DMD: variants seen among roughly 807,000 people sequenced by gnomAD.
DMD encodes dystrophin.
Under a neutral mutation model 330.1 loss-of-function variants are expected in DMD, and 63 were observed. The observed-to-expected ratio is 0.19, with a 90% CI of 0.16 to 0.24. DMD has a LOEUF of 0.24. Ranked by LOEUF, DMD falls within the 10% of genes least tolerant of loss-of-function variation. The pLI is 1.00. For synonymous variants in DMD, 1,223 were observed against 959.8 expected, an observed-to-expected ratio of 1.27 and a Z score of -5.07; for missense variants, 3,344 against 2,684.1, an observed-to-expected ratio of 1.25 and a Z score of -5.43.
chrX:32,336,155 CTG>C (rs199730386), intron 41 of DMD, among the ~76,000 whole-genome samples: 76 of 108,800 alleles, frequency 7.0e-4, no homozygotes, highest in Non-Finnish European at 9.9e-4. Context: ...AACATGTTAT[CTG>C]TGTGTGTATA....
At chrX:31,272,934 A>C (rs2051777159) in intron 62 of DMD, among the ~76,000 whole-genome samples, 1 of 112,310 alleles carries the variant, frequency 8.9e-6, no homozygotes, top group Non-Finnish European at 1.9e-5. Flanking sequence ...AATATTATCT[A>C]ACAAAAGATT....
chrX:32,730,457 G>C (rs368601958), intron 7 of DMD, among the ~76,000 whole-genome samples: 2 of 112,324 alleles, frequency 1.8e-5, no homozygotes, highest in Non-Finnish European at 3.8e-5. Context: ...AAAACAATTT[G>C]AATGTTTATG....
At chrX:31,473,284 C>T (rs943033157) in intron 59 of DMD, among the ~76,000 whole-genome samples, 27 of 107,646 alleles carry the variant, frequency 2.5e-4, no homozygotes, top group Admixed American at 4.0e-4. Flanking sequence ...CAGAGAATTG[C>T]TTGAACCCAG....
At chrX:32,189,052 C>T (rs1368104150) in intron 44 of DMD, among the ~76,000 whole-genome samples, 1 of 110,546 alleles carries the variant, frequency 9.0e-6, no homozygotes, top group Non-Finnish European at 1.9e-5. Context: ...CATTTATAGT[C>T]ATTAATATGA....
At chrX:31,502,951 A>G (rs2070553805) in intron 56 of DMD, among the ~76,000 whole-genome samples, 1 of 111,835 alleles carries the variant, frequency 8.9e-6, no homozygotes, top group African/African-American at 3.2e-5. Context: ...TTAAGTAAAT[A>G]ATTTTCTCTT....
chrX:31,363,373 T>A (rs12844157), intron 60 of DMD, among the ~76,000 whole-genome samples: 1 of 29,166 alleles, frequency 3.4e-5, no homozygotes, highest in Non-Finnish European at 7.2e-5. Context: ...GACATGTATC[T>A]TTTTTTTTTT....
intron 42 of DMD, among the ~76,000 whole-genome samples, chrX:32,302,978 T>C (rs1246275319): frequency 9.0e-6 from 1 of 111,445 alleles, no homozygotes; most frequent in Non-Finnish European, 1.9e-5. Flanking sequence ...CTAAACTCTC[T>C]ACTCTACTGC....
intron 44 of DMD, among the ~76,000 whole-genome samples, chrX:32,167,043 T>C (rs1265257950): frequency 8.9e-6 from 1 of 111,750 alleles, no homozygotes; most frequent in Non-Finnish European, 1.9e-5. Context: ...AGACAGCTGC[T>C]TAATGATCTG....
intron 30 of DMD, among the ~76,000 whole-genome samples, chrX:32,405,445 A>T (rs1420936215): frequency 9.0e-6 from 1 of 111,243 alleles, no homozygotes; most frequent in Non-Finnish European, 1.9e-5. Flanking sequence ...TACTTTGGAA[A>T]TAATCCTAGT....
chrX:32,102,544 TTATATC>T (rs1228986980), intron 44 of DMD, among the ~76,000 whole-genome samples: 96 of 111,299 alleles, frequency 8.6e-4, no homozygotes, highest in African/African-American at 1.5e-3. Context: ...AATAAAAATA[TTATATC>T]TATAATATTT....
chrX:31,535,773 C>T (rs1242290337), intron 55 of DMD, among the ~76,000 whole-genome samples: 1 of 111,923 alleles, frequency 8.9e-6, no homozygotes, highest in Non-Finnish European at 1.9e-5. Context: ...ATTGTCCCTT[C>T]ATTCATTCTA....
chrX:32,697,549 A>G (rs1210103878), intron 9 of DMD, among the ~76,000 whole-genome samples: 1 of 112,118 alleles, frequency 8.9e-6, no homozygotes, highest in Admixed American at 9.5e-5. Context: ...TCGAAGTTAC[A>G]TATATAAAAC....
Position 31,484,802 on chromosome X carries a change from CA to C in DMD, c.8548-5700del, listed in dbSNP as rs1209957471. Among the ~76,000 whole-genome samples the C allele has an allele frequency of 3.6e-3, 399 of 111,798 alleles. 5 individuals carry two copies. The highest frequency in any genetic ancestry group is 8.6e-3 in the African/African-American group (266 of 30,828). ...TTGTTGACTCACTAATTTGTTCATT[CA>C]AAAAATATTTATTTTGAACCTATTA... On this transcript the variant is annotated intron_variant, in intron 57 of 78. Transcript: ENST00000357033.
At chrX:31,682,058 G>A (rs1408502424) in intron 52 of DMD, among the ~76,000 whole-genome samples, 1 of 112,261 alleles carries the variant, frequency 8.9e-6, no homozygotes, top group Non-Finnish European at 1.9e-5. Context: ...TCCAGCCTGG[G>A]TGACAGAGCA....
chrX:32,452,130 A>G (rs2098332173), intron 26 of DMD, among the ~76,000 whole-genome samples: 1 of 108,215 alleles, frequency 9.2e-6, no homozygotes, highest in Non-Finnish European at 1.9e-5. Flanking sequence ...GCACTGAACC[A>G]AAGGAACCCA....
intron 1 of DMD, among the ~76,000 whole-genome samples, chrX:33,263,117 G>T (rs1457335385): frequency 9.1e-6 from 1 of 109,967 alleles, no homozygotes; most frequent in Admixed American, 9.7e-5. Context: ...ACGGCAAAAT[G>T]TTATATTAAT....
chrX:32,949,733 T>C (rs2091102004), intron 2 of DMD, among the ~76,000 whole-genome samples: 1 of 111,419 alleles, frequency 9.0e-6, no homozygotes, highest in South Asian at 3.7e-4. Flanking sequence ...TACTGATGAT[T>C]ACAATGTATT....
chrX:31,790,540 G>T (rs924489586), intron 50 of DMD, among the ~76,000 whole-genome samples: 1 of 111,674 alleles, frequency 9.0e-6, no homozygotes, highest in African/African-American at 3.3e-5. Flanking sequence ...GAAAATATAG[G>T]TTATAGTAAC....
At chrX:31,970,827 T>C (rs1603618580) in intron 44 of DMD, among the ~76,000 whole-genome samples, 2 of 111,595 alleles carry the variant, frequency 1.8e-5, no homozygotes, top group Admixed American at 9.5e-5. Context: ...TGGAATAAAC[T>C]GCATCGTGCA....
Sources: gnomAD v4.1 joint callset for allele counts (sites outside exome capture counted in the v4.1 genomes callset) on GRCh38, gnomAD v4.1.1 for gene constraint, MANE v1.5 for transcripts, NCBI Gene and HGNC (gene_info 2026-07-23, HGNC 2026-07-21) for gene names.